CDKL5: variants seen among roughly 807,000 people sequenced by gnomAD.
The protein encoded by CDKL5 is cyclin-dependent kinase-like 5.
A neutral mutation model predicts 61.7 loss-of-function variants in CDKL5; 8 were observed. The observed-to-expected ratio is 0.13, with a 90% CI of 0.08 to 0.23. The LOEUF is 0.23. CDKL5 is among the 10% of genes least tolerant of loss of function. CDKL5 has a pLI of 1.00. For missense variants in CDKL5, 440 were observed against 734.5 expected (o/e 0.60, Z 4.63); for synonymous variants, 275 against 272.3 (o/e 1.01, Z -0.10).
intron 8 of CDKL5, among the ~76,000 whole-genome samples, chrX:18,587,119 T>C (rs376455577): frequency 3.6e-5 from 4 of 111,867 alleles, no homozygotes; most frequent in African/African-American, 1.3e-4. Flanking sequence ...TTTCCCTTCT[T>C]AAAGCTTGGA....
At chrX:18,645,465 G>T (rs967672338) in intron 19 of CDKL5, among the ~76,000 whole-genome samples, 1 of 107,675 alleles carries the variant, frequency 9.3e-6, no homozygotes, top group Admixed American at 1.0e-4. Flanking sequence ...CAGACCCCAC[G>T]TCTCTGAGTT....
intron 1 of CDKL5, among the ~76,000 whole-genome samples, chrX:18,479,389 C>G (rs1602215464): frequency 3.0e-5 from 3 of 101,615 alleles, no homozygotes; most frequent in Admixed American, 1.1e-4. Context: ...GCACGATCTC[C>G]GCTCACTGCA....
intron 1 of CDKL5, among the ~76,000 whole-genome samples, chrX:18,470,251 G>A (rs951973621): frequency 1.9e-5 from 2 of 106,699 alleles, no homozygotes; most frequent in African/African-American, 3.4e-5. Flanking sequence ...CGGGAGAAGC[G>A]CTTGAACCCA....
intron 1 of CDKL5, among the ~76,000 whole-genome samples, chrX:18,437,622 T>C (rs902297696): frequency 2.7e-5 from 3 of 112,389 alleles, no homozygotes; most frequent in African/African-American, 9.7e-5. Context: ...TTGTTACTAT[T>C]GTATAGGAGC....
chrX:18,587,082 A>T (rs897847118), intron 8 of CDKL5, among the ~76,000 whole-genome samples: 1 of 111,952 alleles, frequency 8.9e-6, no homozygotes, highest in Non-Finnish European at 1.9e-5. Context: ...TTCTTTCCAT[A>T]TTCTTTTTCA....
intron 1 of CDKL5, among the ~76,000 whole-genome samples, chrX:18,487,279 A>G (rs181435789): frequency 8.9e-6 from 1 of 112,148 alleles, no homozygotes; most frequent in African/African-American, 3.2e-5. Context: ...GAATTTTTCA[A>G]TAATTAGAAC....
chrX:18,509,197 G>GCGCA (rs1555940193), intron 2 of CDKL5, among the ~76,000 whole-genome samples: 76 of 64,306 alleles, frequency 1.2e-3, no homozygotes, highest in African/African-American at 2.9e-3. Flanking sequence ...CTCAAAACAC[G>GCGCA]CACACACACA....
chrX:18,619,991 T>C, intron 16 of CDKL5, 25 bp downstream of exon 16: 1 of 911,162 alleles, frequency 1.1e-6, no homozygotes. Context: ...AGTTTCTATA[T>C]ATAATAACAT....
chrX:18,652,886 C>T (rs951438945), intron 21 of CDKL5, among the ~76,000 whole-genome samples: 3 of 112,386 alleles, frequency 2.7e-5, no homozygotes, highest in Admixed American at 1.9e-4. Flanking sequence ...ATGTTACCAG[C>T]CCAAGGCTGT....
Position 18,629,821 on chromosome X carries a change from T to C in CDKL5, c.*1064T>C. On this transcript the variant is annotated 3_prime_UTR_variant, in exon 18 of 18. Transcript: ENST00000623535. ...TTACTTGCACACAGGGGAGAATAGA[T>C]TGAGGCGTTACTCGTGGGTCTTTGT... 2 of 754,403 alleles carry C rather than the reference T, an allele frequency of 2.7e-6. No individual in the cohort carries two copies. Among genetic ancestry groups the C allele is most frequent in the Non-Finnish European group, 3.1e-6 (2 of 639,240 alleles). The allele number at this position is 754,403 out of a possible 1,213,427, so 62.2% of individuals were successfully genotyped here. A position where few individuals can be genotyped will look rare whatever the true frequency, so the allele number is the denominator to read the frequency against.
At chrX:18,626,066 G>GTT (rs754432238) in intron 17 of CDKL5, among the ~76,000 whole-genome samples, 14 of 89,035 alleles carry the variant, frequency 1.6e-4, no homozygotes, top group African/African-American at 3.7e-4. Context: ...GCGGACTACT[G>GTT]TTTTTTTTTT....
At chrX:18,547,505 AT>A (rs1324259607) in intron 3 of CDKL5, among the ~76,000 whole-genome samples, 1 of 112,585 alleles carries the variant, frequency 8.9e-6, no homozygotes, top group African/African-American at 3.2e-5. Context: ...TGTTCTTGAC[AT>A]CAAGTAACCA....
At chrX:18,447,698 C>G (rs755725247) in intron 1 of CDKL5, among the ~76,000 whole-genome samples, 2 of 111,414 alleles carry the variant, frequency 1.8e-5, no homozygotes, top group East Asian at 5.6e-4. Context: ...TCTTGATGAT[C>G]TACTTACTCC....
chrX:18,547,468 A>G (rs996958345), intron 3 of CDKL5, among the ~76,000 whole-genome samples: 2 of 112,466 alleles, frequency 1.8e-5, no homozygotes, highest in African/African-American at 6.5e-5. Flanking sequence ...TTATTTAAAG[A>G]GGATTTTAAC....
chrX:18,534,222 G>A (rs962367462), intron 3 of CDKL5, among the ~76,000 whole-genome samples: 1 of 111,535 alleles, frequency 9.0e-6, no homozygotes, highest in Admixed American at 9.6e-5. Flanking sequence ...TGACCTGGCC[G>A]ACCCTATCCA....
chrX:18,463,211 C>T (rs1346603724), intron 1 of CDKL5, among the ~76,000 whole-genome samples: 1 of 107,467 alleles, frequency 9.3e-6, no homozygotes, highest in African/African-American at 3.4e-5. Flanking sequence ...GATGGTGGTG[C>T]CTTTAGAAGC....
chrX:18,539,369 T>C (rs1020006839), intron 3 of CDKL5, among the ~76,000 whole-genome samples: 2 of 112,195 alleles, frequency 1.8e-5, no homozygotes, highest in Non-Finnish European at 3.8e-5. Context: ...TCAATACTGC[T>C]TAAGCTGCAT....
intron 10 of CDKL5, among the ~76,000 whole-genome samples, chrX:18,596,073 A>G (rs1308105889): frequency 9.0e-6 from 1 of 111,474 alleles, no homozygotes; most frequent in Non-Finnish European, 1.9e-5. Context: ...TCCAGCTTTC[A>G]CTGCAGCCAG....
At chrX:18,533,375 A>G (rs1923712766) in intron 3 of CDKL5, among the ~76,000 whole-genome samples, 1 of 111,682 alleles carries the variant, frequency 9.0e-6, no homozygotes, top group Non-Finnish European at 1.9e-5. Flanking sequence ...GTTAAGCACC[A>G]TGCCAGGTTC....
Sources: gnomAD v4.1 joint callset for allele counts (sites outside exome capture counted in the v4.1 genomes callset) on GRCh38, gnomAD v4.1.1 for gene constraint, MANE v1.5 for transcripts, NCBI Gene and HGNC (gene_info 2026-07-23, HGNC 2026-07-21) for gene names.